MTOR: variants seen among roughly 807,000 people sequenced by gnomAD.
The protein encoded by MTOR is mechanistic target of rapamycin kinase.
Under a neutral mutation model 319.8 loss-of-function variants are expected in MTOR, and 70 were observed. The observed-to-expected ratio is 0.22, with a 90% CI of 0.18 to 0.27. MTOR has a LOEUF of 0.27. Ranked by LOEUF, MTOR falls within the 10% of genes least tolerant of loss-of-function variation. MTOR has a pLI of 1.00. For missense variants in MTOR, 1,890 were observed against 3,274.4 expected, an observed-to-expected ratio of 0.58 and a Z score of 10.32; for synonymous variants, 1,183 against 1,211.4, an observed-to-expected ratio of 0.98 and a Z score of 0.49.
chr1:11,176,184 T>C (rs565720979), intron 28 of MTOR, among the ~76,000 whole-genome samples: 36 of 152,298 alleles, frequency 2.4e-4, no homozygotes, highest in African/African-American at 6.0e-4. Context: ...CTGGAGAACA[T>C]TGTCTCTGGA....
At chr1:11,191,244 T>G (rs1645519199) in intron 28 of MTOR, among the ~76,000 whole-genome samples, 2 of 152,228 alleles carry the variant, frequency 1.3e-5, no homozygotes, top group Non-Finnish European at 2.9e-5. Context: ...TTCTTCTCTA[T>G]GACCAAGTGC....
chr1:11,189,259 A>T (rs1190414394), intron 28 of MTOR: 1 of 241,950 alleles, frequency 4.1e-6, no homozygotes. Context: ...TGACCCTCCC[A>T]GATGAGCTGG....
At position 11,256,947 on chromosome 1, in the gene MTOR, G is replaced by A. The variant is rs1435076819; in HGVS notation, c.490C>T (p.Arg164Trp). ...TAGACACTCACAGCTGCATGTCTCC[G>A]GCCCTCATTGCGGTCAGCACCCAGC... ...EWLGADRNEGRRHAAVLVLRE... is the reference protein window; with the variant it reads ...EWLGADRNEGWRHAAVLVLRE... The change falls in exon 4 of 58, where the codon CGG becomes TGG. Residue 164 changes from arginine to tryptophan, a missense_variant. Physicochemically the swap from Arg to Trp is moderately radical, Grantham distance 101. Coordinates refer to ENST00000361445, the MANE Select transcript of MTOR (RefSeq NM_004958.4). The A allele has an allele frequency of 6.2e-7, 1 of 1,613,606 alleles. No individual in the cohort carries two copies.
Position 11,213,514 on chromosome 1 carries a change from T to C in MTOR, c.3170A>G (p.Glu1057Gly), listed in dbSNP as rs756668898. Residue 1057 changes from glutamate to glycine, a missense_variant, in exon 21 of 58, where the codon GAG becomes GGG. Physicochemically the swap from Glu to Gly is moderately conservative, Grantham distance 98. Transcript: ENST00000361445. Reference protein sequence around the residue: ...SIQSTIILLIEQIVVALGGEF... With the variant: ...SIQSTIILLIGQIVVALGGEF... ...ACCCCCAAGAGCTACCACAATTTGC[T>C]CAATGAGAAGAATGATCGTGCTCTG... 6.2e-7 allele frequency: 1 copy of C among 1,614,048 alleles called. No homozygotes were observed. The highest frequency in any genetic ancestry group is 1.7e-5 in the Admixed American group (1 of 60,014).
Position 11,204,826 on chromosome 1 carries a change from C to G in MTOR, c.3802-123G>C, listed in dbSNP as rs534786070. Reference sequence around the variant, plus strand: ...AAAATCCATCTTTCACGATAAAATTCCCCTAGAGTACAAATACAAAAGAAT... The same window carrying G: ...AAAATCCATCTTTCACGATAAAATTGCCCTAGAGTACAAATACAAAAGAAT... On this transcript the variant is annotated intron_variant, in intron 25 of 57. Transcript: ENST00000361445. The G allele has an allele frequency of 2.7e-6, 3 of 1,127,876 alleles. No individual in the cohort carries two copies. The African/African-American group carries it at 4.7e-5, about 18-fold the overall frequency. 69.9% of individuals were successfully genotyped at this position (1,127,876 alleles called of 1,614,324 possible).
chr1:11,207,758 A>G (rs1646186197), intron 25 of MTOR, among the ~76,000 whole-genome samples: 1 of 152,012 alleles, frequency 6.6e-6, no homozygotes, highest in Admixed American at 6.5e-5. Flanking sequence ...GGCCTGCCAA[A>G]TTACTGAGAT....
chr1:11,233,042 T>G, intron 15 of MTOR: 1 of 1,011,438 alleles, frequency 9.9e-7, no homozygotes, highest in Non-Finnish European at 1.5e-6. Flanking sequence ...CCCAGTGGAT[T>G]CGGATGAAAA....
intron 25 of MTOR, 131 bp from the exon 26 acceptor site, chr1:11,204,834 G>T: frequency 9.4e-7 from 1 of 1,061,640 alleles, no homozygotes; most frequent in Non-Finnish European, 1.3e-6. Flanking sequence ...TTCCCCTAGA[G>T]TACAAATACA....
At chr1:11,111,172 A>C (rs1266791506) in intron 54 of MTOR, 1 of 455,708 alleles carries the variant, frequency 2.2e-6, no homozygotes, top group South Asian at 1.6e-5. Flanking sequence ...GATTCCACCC[A>C]TCCAATAAGG....
chr1:11,259,316 G>A lies in MTOR; in HGVS notation c.94C>T (p.Arg32Trp), dbSNP rs1446194159. 3 of 1,613,556 alleles carry A rather than the reference G, an allele frequency of 1.9e-6. No homozygotes were observed. Among genetic ancestry groups the A allele is most frequent in the Admixed American group, 3.3e-5 (2 of 59,880 alleles). The change falls in exon 2 of 58, where the codon CGG becomes TGG. Residue 32 changes from arginine to tryptophan, a missense_variant. By Grantham distance (101) the Arg-to-Trp change is moderately radical. Around this residue, in one of 15 missense-constraint regions of MTOR, gnomAD observed 85 missense variants for 105.8 expected, o/e 0.80. Transcript: ENST00000361445. ...GCTTTGGCCCTGGTTTCCTCATTCC[G>A]GCTCTTTAGGCCACTGGCAAACTGC... ...LQQFASGLKSRNEETRAKAAK... is the reference protein window; with the variant it reads ...LQQFASGLKSWNEETRAKAAK...
chr1:11,139,985 C>T (rs1176438334), intron 34 of MTOR, among the ~76,000 whole-genome samples: 3 of 151,714 alleles, frequency 2.0e-5, no homozygotes, highest in African/African-American at 2.4e-5. Context: ...CCAGCACGCC[C>T]GGCCTTTTCT....
chr1:11,130,740 A>G lies in MTOR; in HGVS notation c.5402T>C (p.Val1801Ala). The change falls in exon 39 of 58, where the codon GTG (valine) becomes GCG (alanine). Residue 1801 changes from valine (V) to alanine (A), a missense_variant. Physicochemically the swap from Val to Ala is moderately conservative, Grantham distance 64. Transcript: ENST00000361445. ...TTGGTTCTGATGTTTGTAGTGTAGC[A>G]CAGCTTCGAAGTTCATCACTGCCCA... ...HAWAVMNFEA[V>A]LHYKHQNQAR... 1 of 1,585,078 alleles carries G rather than the reference A, an allele frequency of 6.3e-7. No homozygotes were observed. Among genetic ancestry groups the G allele is most frequent in the Non-Finnish European group, 8.6e-7 (1 of 1,165,036 alleles).
At chr1:11,258,364 C>A in intron 3 of MTOR, 121 bp downstream of exon 3, 1 of 708,666 alleles carries the variant, frequency 1.4e-6, no homozygotes, top group Non-Finnish European at 2.4e-6. Flanking sequence ...GAATTAAAAG[C>A]CACGGGCTTC....
In MTOR at chr1:11,109,665, T is replaced by C; in HGVS notation, c.7431A>G (p.Glu2477=). The change falls in exon 55 of 58, where the codon GAA becomes GAG. Residue 2477 remains glutamate (E), a synonymous_variant. Transcript: ENST00000361445. This position sits in a 1 kb window ranked among gnomAD's most constrained non-coding sequence, Gnocchi z 4.0. Reference sequence around the variant, plus strand: ...TGAACTTACTGAAAGAATGAATAGATTCTGGCACTGTGGTCCCCGTTTTCT... The same window carrying C: ...TGAACTTACTGAAAGAATGAATAGACTCTGGCACTGTGGTCCCCGTTTTCT... The part of the protein sequence containing the change: ...AHKKTGTTVP[E]SIHSFIGDGL... 6.2e-7 allele frequency: 1 copy of C among 1,614,142 alleles called. No individual in the cohort carries two copies. Among genetic ancestry groups the C allele is most frequent in the Non-Finnish European group, 8.5e-7 (1 of 1,179,988 alleles).
chr1:11,231,324 C>G lies in MTOR; in HGVS notation c.2625G>C (p.Glu875Asp). The G allele has an allele frequency of 6.2e-7, 1 of 1,614,104 alleles. No individual in the cohort carries two copies. The highest frequency in any genetic ancestry group is 8.5e-7 in the Non-Finnish European group (1 of 1,180,002). The change falls in exon 17 of 58, where the codon GAG (glutamate) becomes GAC (aspartate). Residue 875 changes from glutamate (E) to aspartate (D), a missense_variant. Physicochemically the swap from Glu to Asp is conservative, Grantham distance 45. Around this residue, in one of 15 missense-constraint regions of MTOR, gnomAD observed 377 missense variants for 653.9 expected, o/e 0.58. Coordinates refer to ENST00000361445, the MANE Select transcript of MTOR (RefSeq NM_004958.4). ...CCTCTCTGCGTGTACCCTGGTTCTG[C>G]TCAGTCTTCAGAAAATTCAGTAGCA... ...LEVLLNFLKTEQNQGTRREAI... is the reference protein window; with the variant it reads ...LEVLLNFLKTDQNQGTRREAI...
At chr1:11,120,471 G>C (rs1340861123) in intron 49 of MTOR, among the ~76,000 whole-genome samples, 1 of 151,718 alleles carries the variant, frequency 6.6e-6, no homozygotes, top group Non-Finnish European at 1.5e-5. Flanking sequence ...CCAGGGGGCA[G>C]AGGTTGCAGT....
chr1:11,243,046 C>T, intron 9 of MTOR, 68 bp downstream of exon 9: 2 of 1,574,162 alleles, frequency 1.3e-6, no homozygotes, highest in Non-Finnish European at 1.7e-6. Context: ...CTCCGTGGAT[C>T]TGAAATAGAG....
chr1:11,240,423 CTGGGTG>C lies in MTOR; in HGVS notation c.1660_1665del (p.His554_Pro555del). ...TGATGGGCCAGGCCCTTGGGCATGC[CTGGGTG>C]GCGAAGGGGTTTGTGCATAAGGACC... On this transcript the variant is annotated inframe_deletion, in exon 11 of 58. Transcript: ENST00000361445. 6.2e-7 allele frequency: 1 copy of C among 1,614,208 alleles called. No homozygotes were observed. The highest frequency in any genetic ancestry group is 8.5e-7 in the Non-Finnish European group (1 of 1,180,036).
chr1:11,209,492 C>T, intron 24 of MTOR, 34 bp from the exon 25 acceptor site: 1 of 1,611,458 alleles, frequency 6.2e-7, no homozygotes, highest in Non-Finnish European at 8.5e-7. Context: ...ACACCTATAA[C>T]TCTACTAGAT....
Sources: allele counts gnomAD v4.1 joint callset (sites outside exome capture counted in the v4.1 genomes callset), GRCh38; gene constraint gnomAD v4.1.1; regional missense constraint gnomAD v4.1.1; non-coding constraint Gnocchi (gnomAD v3.1); transcripts MANE v1.5; gene names NCBI Gene and HGNC (gene_info 2026-07-23, HGNC 2026-07-21).